The following ABI3BP variants were observed in gnomAD, a reference collection of about 807,000 sequenced individuals.
The protein encoded by ABI3BP is ABI family member 3 binding protein.
Under a neutral mutation model 268.6 loss-of-function variants are expected in ABI3BP, and 216 were observed. The observed-to-expected ratio is 0.80, with a 90% confidence interval of 0.72 to 0.90. ABI3BP has a LOEUF of 0.90. Among genes scored for constraint, ABI3BP ranks in the 40% least tolerant of loss-of-function variants. The pLI is 0.00. For missense variants in ABI3BP, 2,090 were observed against 2,182.4 expected, an observed-to-expected ratio of 0.96 and a Z score of 0.84; for synonymous variants, 730 against 730.0, an observed-to-expected ratio of 1.00 and a Z score of 0.00.
At chr3:100,813,780 T>C (rs1236938780) in intron 44 of ABI3BP, 45 bp from the exon 45 acceptor site, 4 of 1,463,146 alleles carry the variant, frequency 2.7e-6, no homozygotes, top group African/African-American at 1.4e-5. Flanking sequence ...TTCAGTTATT[T>C]ATTTCATAGG....
intron 1 of ABI3BP, among the ~76,000 whole-genome samples, chr3:100,969,063 G>A (rs1040310876): frequency 1.3e-5 from 2 of 152,148 alleles, no homozygotes; most frequent in East Asian, 3.8e-4. Flanking sequence ...CTCATCTTAC[G>A]CAGATCCAGT....
intron 1 of ABI3BP, among the ~76,000 whole-genome samples, chr3:100,958,725 G>T (rs2077719636): frequency 6.6e-6 from 1 of 152,216 alleles, no homozygotes. Context: ...TATCCAAAAA[G>T]AGATGCCACT....
chr3:100,806,732 G>A (rs1002460117), intron 50 of ABI3BP, among the ~76,000 whole-genome samples: 1 of 151,996 alleles, frequency 6.6e-6, no homozygotes, highest in Non-Finnish European at 1.5e-5. Flanking sequence ...ATTACAGTCT[G>A]GCAGCCACTC....
At chr3:100,831,570 C>T (rs2098494954) in intron 31 of ABI3BP, among the ~76,000 whole-genome samples, 1 of 151,966 alleles carries the variant, frequency 6.6e-6, no homozygotes, top group Non-Finnish European at 1.5e-5. Flanking sequence ...TCATTGAAGC[C>T]CCCTAGATCA....
At chr3:100,784,866 C>CT (rs1378283835) in intron 57 of ABI3BP, among the ~76,000 whole-genome samples, 1 of 151,972 alleles carries the variant, frequency 6.6e-6, no homozygotes, top group East Asian at 1.9e-4. Flanking sequence ...ATATACCGAA[C>CT]TTTAGAGACC....
intron 1 of ABI3BP, among the ~76,000 whole-genome samples, chr3:100,959,748 GC>G (rs1390975694): frequency 1.3e-5 from 2 of 152,080 alleles, no homozygotes; most frequent in African/African-American, 2.4e-5. Context: ...ATAAGATAAT[GC>G]TAGAGAAATT....
intron 51 of ABI3BP, among the ~76,000 whole-genome samples, chr3:100,800,590 C>T (rs959711578): frequency 1.3e-5 from 2 of 152,186 alleles, no homozygotes; most frequent in African/African-American, 4.8e-5. Context: ...TCTCCTGCCT[C>T]AGCCTCCCTA....
intron 2 of ABI3BP, among the ~76,000 whole-genome samples, chr3:100,920,287 T>C (rs2059848551): frequency 6.6e-6 from 1 of 152,124 alleles, no homozygotes; most frequent in African/African-American, 2.4e-5. Context: ...GTTAACCCAA[T>C]AGTTATTAGC....
chr3:100,829,140 T>TAA (rs58672723), intron 33 of ABI3BP, among the ~76,000 whole-genome samples: 3 of 145,392 alleles, frequency 2.1e-5, no homozygotes, highest in East Asian at 4.0e-4. Flanking sequence ...AAGTGGTTGT[T>TAA]AAAAAAAAAA....
intron 14 of ABI3BP, among the ~76,000 whole-genome samples, chr3:100,858,249 T>C (rs1380837137): frequency 6.6e-6 from 1 of 152,230 alleles, no homozygotes; most frequent in East Asian, 1.9e-4. Flanking sequence ...GGAATCAAAA[T>C]CAATCAATTT....
chr3:100,975,050 A>G (rs1340290645), intron 1 of ABI3BP, among the ~76,000 whole-genome samples: 1 of 152,196 alleles, frequency 6.6e-6, no homozygotes, highest in East Asian at 1.9e-4. Context: ...TTATTTTGAT[A>G]AGAAGTTAAT....
intron 1 of ABI3BP, among the ~76,000 whole-genome samples, chr3:100,954,740 C>A (rs780448004): frequency 1.1e-4 from 16 of 152,080 alleles, no homozygotes; most frequent in Non-Finnish European, 1.6e-4. Flanking sequence ...TGTTTGAGTG[C>A]CAATGGATTA....
At chr3:100,813,759 T>C in intron 44 of ABI3BP, 24 bp from the exon 45 acceptor site, 1 of 1,519,228 alleles carries the variant, frequency 6.6e-7, no homozygotes, top group African/African-American at 1.4e-5. Flanking sequence ...GTCTCAATTG[T>C]AAGAGTAATT....
chr3:100,866,644 T>G (rs948662547), intron 10 of ABI3BP, among the ~76,000 whole-genome samples: 2 of 152,164 alleles, frequency 1.3e-5, no homozygotes, highest in African/African-American at 4.8e-5. Flanking sequence ...ACTAATAATT[T>G]TCATTTAGAG....
chr3:100,863,878 T>C, intron 12 of ABI3BP, 124 bp downstream of exon 12: 4 of 747,196 alleles, frequency 5.4e-6, no homozygotes, highest in Non-Finnish European at 8.8e-6. Flanking sequence ...GATCCTAAAC[T>C]TGAAGACTGT....
chr3:100,924,211 A>C (rs186951019), intron 2 of ABI3BP, among the ~76,000 whole-genome samples: 15 of 152,228 alleles, frequency 9.9e-5, no homozygotes, highest in African/African-American at 3.6e-4. Context: ...TTAAAAAGAG[A>C]AGGTAGAGAG....
At chr3:100,816,407 C>A in intron 43 of ABI3BP, 1 of 546,276 alleles carries the variant, frequency 1.8e-6, no homozygotes, top group Non-Finnish European at 3.3e-6. Flanking sequence ...AATAAATACC[C>A]ATGAGTATGC....
chr3:100,862,195 T>C (rs1440687881), intron 14 of ABI3BP, 116 bp downstream of exon 14: 3 of 747,584 alleles, frequency 4.0e-6, no homozygotes, highest in South Asian at 2.1e-5. Context: ...AAATGTATGA[T>C]AGATTTTCCA....
intron 50 of ABI3BP, among the ~76,000 whole-genome samples, chr3:100,807,155 CTCATA>C (rs1212920885): frequency 7.9e-5 from 12 of 151,884 alleles, no homozygotes; most frequent in Non-Finnish European, 1.2e-4. Flanking sequence ...AGAGCTTCTT[CTCATA>C]TAATTTTGTC....
Sources: gnomAD v4.1 joint callset for allele counts (sites outside exome capture counted in the v4.1 genomes callset) on GRCh38, gnomAD v4.1.1 for gene constraint, MANE v1.5 for transcripts, NCBI Gene and HGNC (gene_info 2026-07-23, HGNC 2026-07-21) for gene names.